Variants in DAB1 observed in about 807,000 individuals in gnomAD.
The protein encoded by DAB1 is disabled homolog 1.
Under a neutral mutation model 64.6 loss-of-function variants are expected in DAB1, and 15 were observed. The ratio of observed to expected loss-of-function variants is 0.23; its 90% CI spans 0.16 to 0.36. The LOEUF is 0.36. DAB1 is among the 10% of genes least tolerant of loss of function. The pLI, the probability that DAB1 is intolerant of heterozygous loss-of-function variation, is 1.00. For synonymous variants in DAB1, 235 were observed against 251.9 expected, an observed-to-expected ratio of 0.93 and a Z score of 0.64; for missense variants, 596 against 706.7, an observed-to-expected ratio of 0.84 and a Z score of 1.78.
At chr1:57,413,363 T>C (rs959463884) in intron 1 of DAB1, among the ~76,000 whole-genome samples, 11 of 152,196 alleles carry the variant, frequency 7.2e-5, no homozygotes, top group Non-Finnish European at 1.5e-4. Flanking sequence ...ATTTAGGACA[T>C]ACATTTCATA....
At chr1:57,218,571 T>C (rs1161766039) in intron 2 of DAB1, among the ~76,000 whole-genome samples, 2 of 141,248 alleles carry the variant, frequency 1.4e-5, no homozygotes, top group Non-Finnish European at 3.0e-5. Flanking sequence ...GGTGCGGTGA[T>C]GATGCAGCAG....
chr1:58,183,385 C>T (rs536095333), intron 4 of DAB1, among the ~76,000 whole-genome samples: 9 of 152,202 alleles, frequency 5.9e-5, no homozygotes, highest in African/African-American at 1.9e-4. Flanking sequence ...ACAGCTGCAC[C>T]TATGTGTGTA....
chr1:58,155,598 T>A (rs1655180179), intron 4 of DAB1, among the ~76,000 whole-genome samples: 1 of 152,164 alleles, frequency 6.6e-6, no homozygotes, highest in African/African-American at 2.4e-5. Context: ...AAAAATTTCA[T>A]CACAAAGTTA....
chr1:57,986,089 A>G (rs1646210815), intron 5 of DAB1, among the ~76,000 whole-genome samples: 1 of 152,202 alleles, frequency 6.6e-6, no homozygotes, highest in Admixed American at 6.5e-5. Context: ...AGAGGCCAGT[A>G]TAGGACACAC....
At chr1:57,072,829 G>A (rs1295745643) in intron 4 of DAB1, among the ~76,000 whole-genome samples, 1 of 152,198 alleles carries the variant, frequency 6.6e-6, no homozygotes, top group Non-Finnish European at 1.5e-5. Context: ...CACAACTCCA[G>A]GGAGTATTAT....
At chr1:57,889,205 A>G (rs1162381361) in intron 5 of DAB1, among the ~76,000 whole-genome samples, 3 of 152,186 alleles carry the variant, frequency 2.0e-5, no homozygotes, top group African/African-American at 7.2e-5. Context: ...AAGAACTACT[A>G]CTGCAGTGTC....
chr1:57,539,347 C>A (rs17115957), intron 7 of DAB1, among the ~76,000 whole-genome samples: 4 of 152,066 alleles, frequency 2.6e-5, no homozygotes, highest in Non-Finnish European at 4.4e-5. Context: ...ATTTGAAGTA[C>A]GGGATTCAAT....
At chr1:57,393,297 C>T (rs530940014) in intron 1 of DAB1, among the ~76,000 whole-genome samples, 71 of 152,248 alleles carry the variant, frequency 4.7e-4, no homozygotes, top group African/African-American at 1.7e-3. Context: ...GCCAGTGATT[C>T]ATTAAAATAA....
intron 4 of DAB1, among the ~76,000 whole-genome samples, chr1:58,244,245 T>A (rs1660431214): frequency 3.3e-5 from 5 of 152,148 alleles, no homozygotes; most frequent in Admixed American, 2.6e-4. Context: ...TACAAAAGCA[T>A]CAGCAATAAC....
At chr1:58,083,900 A>G (rs1319155708) in intron 5 of DAB1, among the ~76,000 whole-genome samples, 1 of 152,196 alleles carries the variant, frequency 6.6e-6, no homozygotes. Context: ...TCAGGAAGCA[A>G]GCCATGAAAA....
In DAB1 at chr1:58,067,739, C is replaced by T. The variant is rs1011097541; in HGVS notation, n.387+82772G>A. The stretch of plus-strand genomic sequence containing the variant: ...ACTCTAGAGTCAAATCCTAGCCATA[C>T]GTATACTAGCTGGGTTTACTGCCAT... On this transcript the variant is annotated intron_variant and non_coding_transcript_variant, in intron 5 of 20. Coordinates refer to the DAB1 transcript ENST00000485760. Among the ~76,000 whole-genome samples the T allele has an allele frequency of 6.6e-5, 10 of 152,302 alleles. No homozygotes were observed. The East Asian group carries it at 1.4e-3, about 21-fold the overall frequency.
At chr1:57,022,759 T>C (rs942825685) in intron 11 of DAB1, among the ~76,000 whole-genome samples, 4 of 152,246 alleles carry the variant, frequency 2.6e-5, no homozygotes, top group Non-Finnish European at 5.9e-5. Context: ...TTCAAATACA[T>C]AGTTAAAGAA....
intron 6 of DAB1, among the ~76,000 whole-genome samples, chr1:57,691,557 T>G (rs1400991127): frequency 6.6e-6 from 1 of 152,134 alleles, no homozygotes; most frequent in Non-Finnish European, 1.5e-5. Flanking sequence ...TGCACCACCT[T>G]TAAGAGCTGT....
intron 7 of DAB1, among the ~76,000 whole-genome samples, chr1:57,610,829 G>A (rs935811426): frequency 5.3e-5 from 8 of 152,094 alleles, no homozygotes; most frequent in African/African-American, 1.9e-4. Context: ...TCAACATCTG[G>A]GGATTACAAC....
At chr1:57,655,240 T>A (rs1283888344) in intron 6 of DAB1, among the ~76,000 whole-genome samples, 1 of 152,082 alleles carries the variant, frequency 6.6e-6, no homozygotes, top group Non-Finnish European at 1.5e-5. Flanking sequence ...CGTCCATCCA[T>A]CCATTCATCC....
In DAB1 at chr1:57,324,967, C is replaced by T. The variant is rs569169926; in HGVS notation, c.-136-33801G>A. Among the ~76,000 whole-genome samples, 214 of 152,350 alleles carry T rather than the reference C, an allele frequency of 1.4e-3. 1 individual carries two copies. The highest frequency in any genetic ancestry group is 2.7e-3 in the South Asian group (13 of 4,832). On this transcript the variant is annotated intron_variant, in intron 1 of 14. Coordinates refer to ENST00000371236, the MANE Select transcript of DAB1 (RefSeq NM_001365792.1). The stretch of plus-strand genomic sequence containing the variant: ...TCAAGAGCCAGGGTGGATGCTTTAT[C>T]CTGTTTGTACCTTTGATGCCCTGCA...
At chr1:57,500,596 A>T (rs754046731) in intron 7 of DAB1, among the ~76,000 whole-genome samples, 1 of 152,216 alleles carries the variant, frequency 6.6e-6, no homozygotes, top group Non-Finnish European at 1.5e-5. Context: ...CATTCAAATC[A>T]CAAGGGATTT....
chr1:57,011,480 C>T (rs994875817), intron 12 of DAB1, among the ~76,000 whole-genome samples: 16 of 152,156 alleles, frequency 1.1e-4, no homozygotes, highest in African/African-American at 3.9e-4. Flanking sequence ...GGAGCTCGTC[C>T]ACACTGATAG....
intron 4 of DAB1, among the ~76,000 whole-genome samples, chr1:58,294,851 T>C (rs927181329): frequency 1.5e-5 from 2 of 136,338 alleles, no homozygotes; most frequent in African/African-American, 2.6e-5. Context: ...CAAAATGGCA[T>C]GCTTGGTCCA....
Sources: gnomAD v4.1 joint callset for allele counts (sites outside exome capture counted in the v4.1 genomes callset) on GRCh38, gnomAD v4.1.1 for gene constraint, MANE v1.5 for transcripts, NCBI Gene and HGNC (gene_info 2026-07-23, HGNC 2026-07-21) for gene names.